YES1: variants seen among roughly 807,000 people sequenced by gnomAD.
YES1 encodes the protein tyrosine-protein kinase Yes.
In YES1, 39 loss-of-function variants were observed where a neutral mutation model predicts 70.4. The observed-to-expected ratio is 0.55, with a 90% CI of 0.43 to 0.72. YES1 has a LOEUF of 0.72. YES1 is among the 30% of genes least tolerant of loss of function. The probability of loss-of-function intolerance (pLI) is 0.00; values close to 1 mark genes in which losing one functional copy is unlikely to be tolerated. For missense variants in YES1, 495 were observed against 644.8 expected (o/e 0.77, Z 2.52); for synonymous variants, 198 against 218.6 (o/e 0.91, Z 0.83).
intron 11 of YES1, among the ~76,000 whole-genome samples, chr18:731,828 G>A (rs1187209744): frequency 5.9e-5 from 9 of 152,070 alleles, no homozygotes; most frequent in East Asian, 3.9e-4. Context: ...TTAGCTGGGC[G>A]TGGTGGCGGG....
chr18:789,447 G>A (rs566243282), intron 1 of YES1, among the ~76,000 whole-genome samples: 1 of 152,222 alleles, frequency 6.6e-6, no homozygotes, highest in Admixed American at 6.5e-5. Flanking sequence ...GCCAAGTGTG[G>A]TAGTACAGGC....
intron 1 of YES1, among the ~76,000 whole-genome samples, chr18:792,556 C>A (rs867020852): frequency 9.4e-6 from 1 of 106,828 alleles, no homozygotes; most frequent in African/African-American, 3.7e-5. Context: ...TCTCTCTCTC[C>A]CTCTGTATAT....
At chr18:751,676 T>C (rs1420976792) in intron 3 of YES1, 29 bp downstream of exon 3, 1 of 1,401,700 alleles carries the variant, frequency 7.1e-7, no homozygotes, top group South Asian at 1.2e-5. Flanking sequence ...CTGTCAGTAT[T>C]TCTCTCACAA....
intron 1 of YES1, among the ~76,000 whole-genome samples, chr18:757,459 C>T (rs1358702739): frequency 1.6e-4 from 24 of 146,986 alleles, no homozygotes; most frequent in Middle Eastern, 3.6e-3. Flanking sequence ...GCAGAGATCG[C>T]GCCACTGCAC....
intron 1 of YES1, among the ~76,000 whole-genome samples, chr18:806,161 T>C (rs1907086935): frequency 6.6e-6 from 1 of 152,226 alleles, no homozygotes; most frequent in Non-Finnish European, 1.5e-5. Flanking sequence ...ATACTGATTG[T>C]CACTACTGTG....
At position 732,915 on chromosome 18, in the gene YES1, G is replaced by A. The variant is rs542568142; in HGVS notation, c.1342C>T (p.Arg448Trp). The change falls in exon 11 of 12, where the codon CGG becomes TGG. Residue 448 changes from arginine (R) to tryptophan (W), a missense_variant. Physicochemically the swap from Arg to Trp is moderately radical, Grantham distance 101. Transcript: ENST00000314574. ...WTAPEAALYGRFTIKSDVWSF... is the reference protein window; with the variant it reads ...WTAPEAALYGWFTIKSDVWSF... ...CAGACATCAGACTTTATTGTAAACC[G>A]ACCATACAGTGCAGCTTCAGGAGCT... is the stretch of plus-strand genomic sequence containing the variant. The A allele has an allele frequency of 8.7e-6, 14 of 1,614,098 alleles. No individual in the cohort carries two copies. Among genetic ancestry groups the A allele is most frequent in the African/African-American group, 4.0e-5 (3 of 75,044 alleles).
chr18:764,856 C>A (rs1252375456), intron 1 of YES1, among the ~76,000 whole-genome samples: 1 of 151,852 alleles, frequency 6.6e-6, no homozygotes, highest in Non-Finnish European at 1.5e-5. Context: ...CCTCAGCCTC[C>A]CGAGTAGCTG....
At chr18:751,667 TGTCA>T in intron 3 of YES1, 34 bp downstream of exon 3, 2 of 1,342,792 alleles carry the variant, frequency 1.5e-6, no homozygotes, top group Non-Finnish European at 2.1e-6. Flanking sequence ...ACCAGATTTC[TGTCA>T]GTATTTCTCT....
intron 1 of YES1, among the ~76,000 whole-genome samples, chr18:800,326 TTAGTAACCAAAAC>T (rs1336754536): frequency 1.3e-5 from 2 of 152,218 alleles, no homozygotes; most frequent in African/African-American, 4.8e-5. Context: ...TGGAACAACT[TTAGTAACCAAAAC>T]TAAGATCCCT....
intron 1 of YES1, among the ~76,000 whole-genome samples, chr18:810,024 T>A (rs1369092362): frequency 6.6e-6 from 1 of 151,146 alleles, no homozygotes; most frequent in Non-Finnish European, 1.5e-5. Context: ...TTTTTTTTTT[T>A]AATTACCCAA....
intron 9 of YES1, 134 bp downstream of exon 9, chr18:739,601 G>T: frequency 1.5e-6 from 1 of 675,146 alleles, no homozygotes; most frequent in Non-Finnish European, 2.3e-6. Context: ...AGAATGAGAC[G>T]CTGTCTCTAA....
chr18:727,137 T>TA (rs1284081428), intron 11 of YES1, among the ~76,000 whole-genome samples: 1 of 152,160 alleles, frequency 6.6e-6, no homozygotes, highest in African/African-American at 2.4e-5. Context: ...CCTGATCATA[T>TA]AAATTTTTAT....
Position 723,148 on chromosome 18 carries a change from T to TTTAAAAATG in YES1, c.*1275_*1276insCATTTTTAA, listed in dbSNP as rs2079979717. On this transcript the variant is annotated 3_prime_UTR_variant, in exon 12 of 12. Coordinates refer to ENST00000314574, the MANE Select transcript of YES1 (RefSeq NM_005433.4). ...TTCAAACATGATTTGAAAACTGGAG[T>TTTAAAAATG]TCTAAAAATGTTTTACATAAAAACC... 1 of 152,014 alleles carries TTTAAAAATG rather than the reference T, an allele frequency of 6.6e-6. No individual in the cohort carries two copies. Among genetic ancestry groups the TTTAAAAATG allele is most frequent in the Non-Finnish European group, 1.5e-5 (1 of 67,974 alleles). 9.4% of individuals were successfully genotyped at this position (152,014 alleles called of 1,614,324 possible). A position where few individuals can be genotyped will look rare whatever the true frequency, so the allele number is the denominator to read the frequency against.
At chr18:792,337 T>A (rs1906293994) in intron 1 of YES1, among the ~76,000 whole-genome samples, 1 of 151,882 alleles carries the variant, frequency 6.6e-6, no homozygotes, top group South Asian at 2.1e-4. Context: ...AAAGAAGTCA[T>A]ATTTACCATT....
At chr18:786,430 G>T (rs1905944159) in intron 1 of YES1, among the ~76,000 whole-genome samples, 1 of 150,514 alleles carries the variant, frequency 6.6e-6, no homozygotes, top group Non-Finnish European at 1.5e-5. Context: ...TTTGTCTATT[G>T]TTGTGGTTAG....
Position 736,974 on chromosome 18 carries a change from AAAAC to A in YES1, c.1138-17_1138-14del. The A allele has an allele frequency of 6.3e-7, 1 of 1,594,862 alleles. No individual in the cohort carries two copies. Among genetic ancestry groups the A allele is most frequent in the Non-Finnish European group, 8.5e-7 (1 of 1,174,674 alleles). On this transcript the variant is annotated splice_polypyrimidine_tract_variant and intron_variant, in intron 9 of 11. Coordinates refer to ENST00000314574, the MANE Select transcript of YES1 (RefSeq NM_005433.4). The stretch of plus-strand genomic sequence containing the variant: ...TACCATCAGCAATCTTGGAAAGAGA[AAAAC>A]AAAAAACACAAGACATACGATACAA...
At position 736,810 on chromosome 18, in the gene YES1, T is replaced by C. The variant is rs371854059; in HGVS notation, c.1289A>G (p.Gln430Arg). 5 of 1,607,820 alleles carry C rather than the reference T, an allele frequency of 3.1e-6. No homozygotes were observed. The highest frequency in any genetic ancestry group is 1.7e-5 in the Admixed American group (1 of 58,864). The change falls in exon 10 of 12, where the codon CAA becomes CGA. Residue 430 changes from glutamine to arginine, a missense_variant and splice_region_variant. Coordinates refer to ENST00000314574, the MANE Select transcript of YES1 (RefSeq NM_005433.4). ...CTTTTATGTAAAAGTAATTTTACCT[T>C]GTCTTGCTGTGTATTCATTGTCTTC... ...LIEDNEYTAR[Q>R]GAKFPIKWTA...
upstream of YES1, chr18:812,252 G>C (rs1311983815): frequency 1.3e-5 from 2 of 151,666 alleles, no homozygotes; most frequent in African/African-American, 2.4e-5. Flanking sequence ...CGGCAGAGCC[G>C]GCCCGGGACG....
In YES1 at chr18:746,032, C is replaced by T. The variant is rs1352628035; in HGVS notation, c.490G>A (p.Gly164Arg). Residue 164 changes from glycine (G) to arginine (R), a missense_variant, in exon 5 of 12, where the codon GGG becomes AGG. By Grantham distance (125) the Gly-to-Arg change is moderately radical. Around this residue, in one of 2 missense-constraint regions of YES1, gnomAD observed 385 missense variants for 540.9 expected, o/e 0.71. Coordinates refer to ENST00000314574, the MANE Select transcript of YES1 (RefSeq NM_005433.4). ...AGTAATCTTTCAGCATCTTTTCTCC[C>T]CATTTTGCCAAAATACCATCTGGAA... Reference protein sequence around the residue: ...QAEEWYFGKMGRKDAERLLLN... With the variant: ...QAEEWYFGKMRRKDAERLLLN... 1.2e-6 allele frequency: 2 copies of T among 1,611,534 alleles called. No individual in the cohort carries two copies. The highest frequency in any genetic ancestry group is 1.7e-5 in the Admixed American group (1 of 59,852).
Sources: gnomAD v4.1 joint callset for allele counts (sites outside exome capture counted in the v4.1 genomes callset) on GRCh38, gnomAD v4.1.1 for gene constraint, gnomAD v4.1.1 regional missense constraint, MANE v1.5 for transcripts, NCBI Gene and HGNC (gene_info 2026-07-23, HGNC 2026-07-21) for gene names.